Variants in FREM2 observed in about 807,000 individuals in gnomAD.
The protein encoded by FREM2 is FRAS1-related extracellular matrix protein 2.
Under a neutral mutation model 219.9 loss-of-function variants are expected in FREM2, and 119 were observed. The ratio of observed to expected loss-of-function variants is 0.54; its 90% CI spans 0.47 to 0.63. The LOEUF (loss-of-function observed/expected upper bound fraction) is 0.63. Ranked by LOEUF, FREM2 falls within the 30% of genes least tolerant of loss-of-function variation. The probability of loss-of-function intolerance (pLI) is 0.00; values close to 1 mark genes in which losing one functional copy is unlikely to be tolerated. For missense variants in FREM2, 4,030 were observed against 3,993.6 expected, an observed-to-expected ratio of 1.01 and a Z score of -0.25; for synonymous variants, 1,562 against 1,522.8, an observed-to-expected ratio of 1.03 and a Z score of -0.60.
At chr13:38,713,534 T>C (rs1870865492) in intron 2 of FREM2, among the ~76,000 whole-genome samples, 1 of 152,242 alleles carries the variant, frequency 6.6e-6, no homozygotes, top group South Asian at 2.1e-4. Context: ...TATATGTTTA[T>C]TAATCTAGCT....
chr13:38,856,800 AAAT>A (rs1470948610), intron 12 of FREM2, among the ~76,000 whole-genome samples: 1 of 148,670 alleles, frequency 6.7e-6, no homozygotes, highest in Non-Finnish European at 1.5e-5. Context: ...GTTTTCCTCA[AAAT>A]GAACATAATT....
chr13:38,697,143 C>G (rs1196384762), intron 1 of FREM2, among the ~76,000 whole-genome samples: 1 of 152,126 alleles, frequency 6.6e-6, no homozygotes, highest in Admixed American at 6.6e-5. Flanking sequence ...AACAGGGAGT[C>G]ATCAGTTATT....
rs369731339 is a variant in FREM2, at chr13:38,697,707, A to C, written c.5183A>C (p.Asp1728Ala). Residue 1728 changes from aspartate to alanine, a missense_variant, in exon 2 of 24, where the codon GAT (aspartate) becomes GCT (alanine). Coordinates refer to ENST00000280481, the MANE Select transcript of FREM2 (RefSeq NM_207361.6). ...SITQFTQADI[D>A]DMKICYVLRE... ...TTTGGTTATTTTCTAGCTGACATTG[A>C]TGACATGAAAATATGCTATGTCTTA... The C allele has an allele frequency of 1.3e-6, 2 of 1,586,656 alleles. No individual in the cohort carries two copies. The highest frequency in any genetic ancestry group is 1.7e-6 in the Non-Finnish European group (2 of 1,155,096).
chr13:38,705,878 C>T (rs1014018944), intron 2 of FREM2, among the ~76,000 whole-genome samples: 2 of 152,072 alleles, frequency 1.3e-5, no homozygotes, highest in Admixed American at 1.3e-4. Flanking sequence ...GCTGTCTATA[C>T]AGTTAGACTG....
chr13:38,688,596 G>C lies in FREM2; in HGVS notation c.1252G>C (p.Glu418Gln), dbSNP rs1163074677. ...ACTGGAATTGGAGGTAGTGGATCTA[G>C]AAGGAGCAGCTTCAGACCCTTTTGC... ...FELELEVVDL[E>Q]GAASDPFAFM... The change falls in exon 1 of 24, where the codon GAA becomes CAA. Residue 418 changes from glutamate to glutamine, a missense_variant. Glu to Gln is a conservative substitution (Grantham distance 29, BLOSUM62 2). Transcript: ENST00000280481. 1.2e-6 allele frequency: 2 copies of C among 1,613,936 alleles called. No homozygotes were observed.
intron 2 of FREM2, among the ~76,000 whole-genome samples, chr13:38,748,212 AAT>A (rs1407914668): frequency 2.0e-5 from 3 of 152,214 alleles, no homozygotes; most frequent in Non-Finnish European, 4.4e-5. Context: ...CTGTGGAACG[AAT>A]ATACCAGTAG....
chr13:38,825,887 TAGAC>T (rs1876262898), intron 6 of FREM2, among the ~76,000 whole-genome samples: 1 of 152,138 alleles, frequency 6.6e-6, no homozygotes, highest in Admixed American at 6.6e-5. Flanking sequence ...AAAAATATAT[TAGAC>T]AGGTTTTTAT....
Position 38,689,238 on chromosome 13 carries a change from G to C in FREM2, c.1894G>C (p.Glu632Gln). Reference sequence around the variant, plus strand: ...ACTTCTCAGAGGCCTTTGGAGGAAGGAGGGGGCATTTTATGAGCGAACAGT... The same window carrying C: ...ACTTCTCAGAGGCCTTTGGAGGAAGCAGGGGGCATTTTATGAGCGAACAGT... ...QELLRGLWRK[E>Q]GAFYERTVTE... is the part of the protein sequence containing the mutation. The change falls in exon 1 of 24, where the codon GAG becomes CAG. Residue 632 changes from glutamate (E) to glutamine (Q), a missense_variant. Glu to Gln is a conservative substitution (Grantham distance 29). Around this residue, in one of 2 missense-constraint regions of FREM2, gnomAD observed 3,102 missense variants for 2,950.7 expected, o/e 1.05. Coordinates refer to ENST00000280481, the MANE Select transcript of FREM2 (RefSeq NM_207361.6). The C allele has an allele frequency of 6.2e-7, 1 of 1,614,126 alleles. No individual in the cohort carries two copies. Among genetic ancestry groups the C allele is most frequent in the Middle Eastern group, 1.6e-4 (1 of 6,062 alleles).
intron 2 of FREM2, among the ~76,000 whole-genome samples, chr13:38,722,950 G>A (rs1871352336): frequency 6.6e-6 from 1 of 152,166 alleles, no homozygotes; most frequent in African/African-American, 2.4e-5. Context: ...CCAGCTGGCA[G>A]CCAGGTGCAG....
At chr13:38,858,173 A>G (rs1356235006) in intron 13 of FREM2, 140 bp downstream of exon 13, 8 of 750,608 alleles carry the variant, frequency 1.1e-5, no homozygotes, top group African/African-American at 3.5e-5. Context: ...CTTTGCATAT[A>G]TAACACTAAT....
At chr13:38,736,077 C>T (rs192598995) in intron 2 of FREM2, among the ~76,000 whole-genome samples, 3 of 152,298 alleles carry the variant, frequency 2.0e-5, no homozygotes, top group Admixed American at 6.5e-5. Flanking sequence ...TCCTAACCGC[C>T]CCTAGACCTA....
At position 38,880,484 on chromosome 13, in the gene FREM2, C is replaced by T. The variant is rs1878501779; in HGVS notation, c.9207C>T (p.Asn3069=). The part of the protein sequence containing the change: ...PSLAWEIGAE[N]SRGTNIQHIA... The stretch of plus-strand genomic sequence containing the variant: ...TGGCATGGGAGATTGGTGCTGAAAA[C>T]AGTCGAGGAACAAACATCCAGCACA... The change falls in exon 24 of 24, where the codon AAC becomes AAT. Residue 3069 remains asparagine (N), a synonymous_variant. Transcript: ENST00000280481. 2 of 1,614,130 alleles carry T rather than the reference C, an allele frequency of 1.2e-6. No individual in the cohort carries two copies. Among genetic ancestry groups the T allele is most frequent in the East Asian group, 4.5e-5 (2 of 44,862 alleles).
intron 7 of FREM2, among the ~76,000 whole-genome samples, chr13:38,847,794 A>T (rs1877219451): frequency 6.6e-6 from 1 of 152,178 alleles, no homozygotes; most frequent in Non-Finnish European, 1.5e-5. Context: ...ATCTTTGTGG[A>T]TGTAGTGGCT....
chr13:38,713,545 C>T (rs1415225510), intron 2 of FREM2, among the ~76,000 whole-genome samples: 1 of 152,168 alleles, frequency 6.6e-6, no homozygotes, highest in Non-Finnish European at 1.5e-5. Context: ...TAATCTAGCT[C>T]ATGGATTTAA....
intron 2 of FREM2, among the ~76,000 whole-genome samples, chr13:38,733,769 A>G (rs1049180846): frequency 2.6e-5 from 4 of 152,148 alleles, no homozygotes; most frequent in Non-Finnish European, 5.9e-5. Flanking sequence ...TGGCCTCCCA[A>G]AGTGCTAGGA....
chr13:38,815,576 A>C (rs1263683657), intron 6 of FREM2, among the ~76,000 whole-genome samples: 1 of 152,224 alleles, frequency 6.6e-6, no homozygotes. Flanking sequence ...ATATGCCAAC[A>C]AATTTGATAA....
chr13:38,880,622 G>A lies in FREM2; in HGVS notation c.9345G>A (p.Val3115=). The change falls in exon 24 of 24, where the codon GTG becomes GTA. Residue 3115 remains valine, a synonymous_variant. Transcript: ENST00000280481. ...PSSAVSLVTV[V]GGTTVGLLTI... ...CTGCAGTCAGCCTGGTCACTGTGGTGGGAGGCACCACGGTAGGGTTACTCA... is the reference window on the plus strand; with the variant it reads ...CTGCAGTCAGCCTGGTCACTGTGGTAGGAGGCACCACGGTAGGGTTACTCA... 4.3e-6 allele frequency: 7 copies of A among 1,613,854 alleles called. No homozygotes were observed. The highest frequency in any genetic ancestry group is 5.9e-6 in the Non-Finnish European group (7 of 1,179,734).
At chr13:38,861,286 A>G in intron 14 of FREM2, 145 bp from the exon 15 acceptor site, 1 of 766,336 alleles carries the variant, frequency 1.3e-6, no homozygotes, top group Non-Finnish European at 2.2e-6. Flanking sequence ...ATTCCTTATC[A>G]CGTGATGTAC....
At chr13:38,738,696 A>C (rs942382108) in intron 2 of FREM2, among the ~76,000 whole-genome samples, 3 of 151,976 alleles carry the variant, frequency 2.0e-5, no homozygotes, top group Non-Finnish European at 2.9e-5. Context: ...CAGAGGGTGC[A>C]GGGGCATGAG....
Sources: allele counts gnomAD v4.1 joint callset (sites outside exome capture counted in the v4.1 genomes callset), GRCh38; gene constraint gnomAD v4.1.1; regional missense constraint gnomAD v4.1.1; transcripts MANE v1.5; gene names NCBI Gene and HGNC (gene_info 2026-07-23, HGNC 2026-07-21).